COL14A1: variants seen among roughly 807,000 people sequenced by gnomAD.
COL14A1 encodes the protein collagen alpha-1(XIV) chain.
COL14A1 carries 136 observed loss-of-function variants against 230.3 expected under a neutral mutation model. The observed-to-expected ratio is 0.59, with a 90% CI of 0.51 to 0.68. The LOEUF is 0.68. COL14A1 is among the 30% of genes least tolerant of loss of function. COL14A1 has a pLI of 0.00. For synonymous variants in COL14A1, 792 were observed against 784.1 expected, an observed-to-expected ratio of 1.01 and a Z score of -0.17; for missense variants, 1,976 against 2,215.8, an observed-to-expected ratio of 0.89 and a Z score of 2.17.
chr8:120,223,680 A>C (rs1818002917), intron 14 of COL14A1, among the ~76,000 whole-genome samples: 1 of 152,086 alleles, frequency 6.6e-6, no homozygotes, highest in Non-Finnish European at 1.5e-5. Flanking sequence ...CCAAAAAACA[A>C]CAACAAAAAA....
Position 120,342,388 on chromosome 8 carries a change from G to T in COL14A1, c.4830G>T (p.Leu1610=). ...CTTTTTTTCTCATCCAGGGTGACCT[G>T]CAGTCTCAAGCCATGGTGAGATCAG... is the stretch of plus-strand genomic sequence containing the variant. ...AKGERGERGD[L]QSQAMVRSVA... is the part of the protein sequence containing the mutation. The change falls in exon 44 of 48, where the codon CTG becomes CTT. Residue 1610 remains leucine (L), a synonymous_variant. Coordinates refer to ENST00000297848, the MANE Select transcript of COL14A1 (RefSeq NM_021110.4). The T allele has an allele frequency of 6.2e-7, 1 of 1,613,840 alleles. No individual in the cohort carries two copies. Among genetic ancestry groups the T allele is most frequent in the South Asian group, 1.1e-5 (1 of 91,080 alleles).
At chr8:120,128,655 TA>T (rs373518392) in intron 1 of COL14A1, among the ~76,000 whole-genome samples, 21 of 152,134 alleles carry the variant, frequency 1.4e-4, no homozygotes, top group Admixed American at 1.3e-3. Flanking sequence ...ATTGAGAATA[TA>T]AAAGAGAGTC....
At chr8:120,361,579 C>T (rs937568888) in intron 45 of COL14A1, among the ~76,000 whole-genome samples, 1 of 152,222 alleles carries the variant, frequency 6.6e-6, no homozygotes, top group Admixed American at 6.5e-5. Flanking sequence ...ACAGACTGTA[C>T]TTGCAATCCA....
chr8:120,318,228 C>T (rs1336648618), intron 40 of COL14A1, among the ~76,000 whole-genome samples: 1 of 152,102 alleles, frequency 6.6e-6, no homozygotes, highest in Non-Finnish European at 1.5e-5. Context: ...TGTGCTCAGC[C>T]TGGAAAGAGT....
At chr8:120,216,130 T>A (rs1817742545) in intron 13 of COL14A1, among the ~76,000 whole-genome samples, 1 of 152,178 alleles carries the variant, frequency 6.6e-6, no homozygotes, top group Middle Eastern at 3.2e-3. Context: ...CATGTGTAAC[T>A]TATTACTGCT....
At chr8:120,244,875 C>G (rs1818716240) in intron 20 of COL14A1, among the ~76,000 whole-genome samples, 1 of 152,138 alleles carries the variant, frequency 6.6e-6, no homozygotes, top group Non-Finnish European at 1.5e-5. Flanking sequence ...TTAGGCCTCC[C>G]AATGGCTTCT....
At position 120,149,499 on chromosome 8, in the gene COL14A1, G is replaced by A. The variant is rs148131924; in HGVS notation, c.88+1569G>A. On this transcript the variant is annotated intron_variant, in intron 2 of 47. Transcript: ENST00000297848. ...TAGATCACTTATCTTCTAAACTCCA[G>A]GATACAAGACACAGATTCTTAGAAA... Among the ~76,000 whole-genome samples the A allele has an allele frequency of 1.8e-3, 281 of 152,204 alleles. 1 individual carries two copies. The highest frequency in any genetic ancestry group is 3.2e-3 in the Non-Finnish European group (215 of 67,994).
intron 2 of COL14A1, among the ~76,000 whole-genome samples, chr8:120,149,099 A>G (rs1045513669): frequency 2.0e-5 from 3 of 152,260 alleles, no homozygotes; most frequent in African/African-American, 7.2e-5. Context: ...GCAAAGTGAT[A>G]TTATTAGACA....
At chr8:120,252,284 C>T (rs917336776) in intron 22 of COL14A1, among the ~76,000 whole-genome samples, 3 of 152,042 alleles carry the variant, frequency 2.0e-5, no homozygotes, top group Non-Finnish European at 2.9e-5. Context: ...TTAGTGCACC[C>T]GTCACTGGAG....
At chr8:120,309,200 G>T (rs1820949928) in intron 36 of COL14A1, among the ~76,000 whole-genome samples, 1 of 152,220 alleles carries the variant, frequency 6.6e-6, no homozygotes, top group Admixed American at 6.5e-5. Flanking sequence ...CTCCCAAAGT[G>T]CTGGGATTAC....
intron 2 of COL14A1, among the ~76,000 whole-genome samples, chr8:120,150,499 C>A (rs894160703): frequency 1.3e-5 from 2 of 152,070 alleles, no homozygotes; most frequent in African/African-American, 4.8e-5. Flanking sequence ...GAAGATAAAT[C>A]AAGTTTCTTG....
chr8:120,152,128 A>C (rs1442103208), intron 2 of COL14A1, among the ~76,000 whole-genome samples: 1 of 152,070 alleles, frequency 6.6e-6, no homozygotes, highest in East Asian at 1.9e-4. Context: ...AGCCACTAAG[A>C]TTTTGAAATT....
At chr8:120,134,295 T>C (rs1259955721) in intron 1 of COL14A1, among the ~76,000 whole-genome samples, 1 of 152,066 alleles carries the variant, frequency 6.6e-6, no homozygotes, top group Non-Finnish European at 1.5e-5. Context: ...TTTTGATATT[T>C]ACAATTACTT....
chr8:120,168,074 G>A, intron 4 of COL14A1, 87 bp from the exon 5 acceptor site: 1 of 836,280 alleles, frequency 1.2e-6, no homozygotes, highest in Non-Finnish European at 1.9e-6. Context: ...ATACTTTTAG[G>A]GCTTTCAAGG....
intron 2 of COL14A1, among the ~76,000 whole-genome samples, chr8:120,151,177 T>C (rs908637341): frequency 6.6e-6 from 1 of 152,112 alleles, no homozygotes; most frequent in Admixed American, 6.5e-5. Flanking sequence ...TTGAGAAACC[T>C]CATCTTATTT....
intron 24 of COL14A1, among the ~76,000 whole-genome samples, chr8:120,265,191 A>G (rs1819466680): frequency 6.6e-6 from 1 of 152,110 alleles, no homozygotes; most frequent in Admixed American, 6.6e-5. Context: ...TTCTTTAGCC[A>G]GATGTTCTGC....
At chr8:120,135,711 C>G (rs1814689180) in intron 1 of COL14A1, among the ~76,000 whole-genome samples, 1 of 151,928 alleles carries the variant, frequency 6.6e-6, no homozygotes. Flanking sequence ...GACATTCTAA[C>G]AGAGTACTTT....
chr8:120,264,955 G>C (rs960305782), intron 24 of COL14A1, among the ~76,000 whole-genome samples: 1 of 152,072 alleles, frequency 6.6e-6, no homozygotes, highest in African/African-American at 2.4e-5. Flanking sequence ...AATCCAATTT[G>C]GATAGCTCTG....
chr8:120,163,501 T>C (rs1815761339), intron 4 of COL14A1, among the ~76,000 whole-genome samples: 2 of 152,172 alleles, frequency 1.3e-5, no homozygotes, highest in African/African-American at 4.8e-5. Context: ...CGTTGACTCA[T>C]GCCTGTAATC....
Sources: allele counts gnomAD v4.1 joint callset (sites outside exome capture counted in the v4.1 genomes callset), GRCh38; gene constraint gnomAD v4.1.1; transcripts MANE v1.5; gene names NCBI Gene and HGNC (gene_info 2026-07-23, HGNC 2026-07-21).